Variants in CLEC12B observed in about 807,000 individuals in gnomAD.
CLEC12B encodes the protein macrophage antigen h.
Under a neutral mutation model 36.1 loss-of-function variants are expected in CLEC12B, and 25 were observed. That is an observed-to-expected ratio of 0.69 (90% CI 0.50 to 0.97). The LOEUF (loss-of-function observed/expected upper bound fraction) is 0.97, where lower values mean the gene tolerates loss of function less well. Ranked by LOEUF, CLEC12B falls within the 50% of genes least tolerant of loss-of-function variation. The probability of loss-of-function intolerance (pLI) is 0.00; values close to 1 mark genes in which losing one functional copy is unlikely to be tolerated. For synonymous variants in CLEC12B, 110 were observed against 108.5 expected (o/e 1.01, Z -0.09); for missense variants, 325 against 318.4 (o/e 1.02, Z -0.16).
Position 10,015,960 on chromosome 12 carries a change from C to T in CLEC12B, c.680+233C>T, listed in dbSNP as rs117936789. The T allele has an allele frequency of 8.0e-3, 10,650 of 1,334,904 alleles. 66 individuals carry two copies. The highest frequency in any genetic ancestry group is 9.3e-3 in the Non-Finnish European group (9,718 of 1,041,494). 82.7% of individuals were successfully genotyped at this position (1,334,904 alleles called of 1,614,324 possible). A position where few individuals can be genotyped will look rare whatever the true frequency, so the allele number is the denominator to read the frequency against. On this transcript the variant is annotated intron_variant, in intron 5 of 5. Transcript: ENST00000338896. The stretch of plus-strand genomic sequence containing the variant: ...TAGAAATGTGTTTATTTAACACACA[C>T]ACACACCTAATACTACATTCAAAGT...
chr12:10,015,768 G>C (rs1260664072), intron 5 of CLEC12B, 41 bp downstream of exon 5: 2 of 1,605,042 alleles, frequency 1.2e-6, no homozygotes, highest in African/African-American at 2.7e-5. Flanking sequence ...AGCTTTCCAT[G>C]GAATCCTGGG....
chr12:10,008,265 T>C (rs1436659704), upstream of CLEC12B, among the ~76,000 whole-genome samples: 2 of 152,230 alleles, frequency 1.3e-5, no homozygotes, highest in Non-Finnish European at 2.9e-5. Flanking sequence ...AATTTAAGTT[T>C]AAATAGCAAT....
chr12:10,014,620 G>A lies in CLEC12B; in HGVS notation c.288G>A (p.Leu96=). The change falls in exon 3 of 6, where the codon CTG becomes CTA. Residue 96 remains leucine, a synonymous_variant. Transcript: ENST00000338896. ...QQQQDNLSQQ[L]GNSNNLSMEE... is the part of the protein sequence containing the mutation. ...AGCAGGATAACTTATCCCAGCAACTGGGCAACTCCAACAACTTGTCCATGG... is the reference window on the plus strand; with the variant it reads ...AGCAGGATAACTTATCCCAGCAACTAGGCAACTCCAACAACTTGTCCATGG... 1 of 1,613,732 alleles carries A rather than the reference G, an allele frequency of 6.2e-7. No individual in the cohort carries two copies. The highest frequency in any genetic ancestry group is 8.5e-7 in the Non-Finnish European group (1 of 1,179,704).
chr12:10,013,131 C>T (rs1299792650), intron 2 of CLEC12B: 5 of 471,722 alleles, frequency 1.1e-5, no homozygotes, highest in African/African-American at 2.0e-5. Flanking sequence ...TCTTTGTTTC[C>T]AGTTATTCAT....
intron 2 of CLEC12B, among the ~76,000 whole-genome samples, chr12:10,013,982 A>G (rs1865407090): frequency 6.6e-6 from 1 of 152,216 alleles, no homozygotes; most frequent in African/African-American, 2.4e-5. Context: ...CTTTTGGTGC[A>G]GTGGTTCTTA....
chr12:10,015,875 G>A, intron 5 of CLEC12B, 148 bp downstream of exon 5: 3 of 1,461,622 alleles, frequency 2.1e-6, no homozygotes, highest in South Asian at 1.5e-5. Context: ...TTGAAAGGAG[G>A]TATAGTTCAT....
chr12:10,017,236 C>T (rs1865508698), intron 5 of CLEC12B: 1 of 985,216 alleles, frequency 1.0e-6, no homozygotes, highest in Non-Finnish European at 1.2e-6. Flanking sequence ...ATAATAATGA[C>T]AAAAAGCACA....
In CLEC12B at chr12:10,018,642, T is replaced by G; in HGVS notation, c.*161T>G. The G allele has an allele frequency of 1.6e-6, 1 of 623,262 alleles. No homozygotes were observed. Among genetic ancestry groups the G allele is most frequent in the South Asian group, 2.0e-5 (1 of 48,806 alleles). The allele number at this position is 623,262 out of a possible 1,614,324, so 38.6% of individuals were successfully genotyped here. On this transcript the variant is annotated 3_prime_UTR_variant, in exon 6 of 6. Transcript: ENST00000338896. ...TTTAACAGAACATTCTCCAGTTCCT[T>G]GTCTGACGTCTTCTGATTTGATGTT...
intron 3 of CLEC12B, 110 bp from the exon 4 acceptor site, chr12:10,015,142 G>A: frequency 1.1e-6 from 1 of 912,546 alleles, no homozygotes. Flanking sequence ...TATGCTTTCA[G>A]GGTGCAGGCT....
chr12:10,014,572 A>G lies in CLEC12B; in HGVS notation c.240A>G (p.Gln80=), dbSNP rs769990930. ...ACTCAGATTCAGAGAAATTGAGTCA[A>G]CTTCAGAAAACCATCCAACAGCAGC... is the stretch of plus-strand genomic sequence containing the variant. ...DINSDSEKLS[Q]LQKTIQQQQD... is the part of the protein sequence containing the mutation. Residue 80 remains glutamine (Q), a synonymous_variant, in exon 3 of 6, where the codon CAA becomes CAG. Transcript: ENST00000338896. 1.9e-6 allele frequency: 3 copies of G among 1,613,822 alleles called. No individual in the cohort carries two copies. The highest frequency in any genetic ancestry group is 2.5e-6 in the Non-Finnish European group (3 of 1,179,766).
At chr12:10,012,699 C>A in intron 1 of CLEC12B, 86 bp from the exon 2 acceptor site, 1 of 973,416 alleles carries the variant, frequency 1.0e-6, no homozygotes, top group Non-Finnish European at 1.6e-6. Context: ...TATCGGGAAG[C>A]TCCCTAAGTG....
chr12:10,015,161 C>G lies in CLEC12B; in HGVS notation c.410-91C>G, dbSNP rs528971660. On this transcript the variant is annotated intron_variant, in intron 3 of 5. Coordinates refer to ENST00000338896, the MANE Select transcript of CLEC12B (RefSeq NM_001129998.3). ...CTTTCAGGGTGCAGGCTCTCAGTCC[C>G]TATTGTTCAATTACATGATTTTGTT... is the stretch of plus-strand genomic sequence containing the variant. 3.7e-6 allele frequency: 4 copies of G among 1,088,264 alleles called. No individual in the cohort carries two copies. In the Admixed American group the frequency reaches 8.8e-5, roughly 24 times the overall value. 67.4% of individuals were successfully genotyped at this position (1,088,264 alleles called of 1,614,324 possible). A position where few individuals can be genotyped will look rare whatever the true frequency, so the allele number is the denominator to read the frequency against.
At chr12:10,010,882 T>A in intron 1 of CLEC12B, 32 bp downstream of exon 1, 1 of 1,424,814 alleles carries the variant, frequency 7.0e-7, no homozygotes, top group Non-Finnish European at 9.9e-7. Context: ...GCTGTGTCCT[T>A]GGGGGAGTGG....
intron 5 of CLEC12B, chr12:10,016,925 C>T: frequency 1.1e-6 from 1 of 888,268 alleles, no homozygotes; most frequent in Non-Finnish European, 1.3e-6. Flanking sequence ...CTACCTTCCT[C>T]CCCCAACAAA....
chr12:10,009,121 A>C (rs1416605471), upstream of CLEC12B, among the ~76,000 whole-genome samples: 2 of 151,982 alleles, frequency 1.3e-5, no homozygotes, highest in Non-Finnish European at 2.9e-5. Flanking sequence ...GACAGTAAGG[A>C]AATAAAAGCT....
At chr12:10,009,146 G>A (rs190349373), upstream of CLEC12B, among the ~76,000 whole-genome samples, 1 of 152,140 alleles carries the variant, frequency 6.6e-6, no homozygotes, top group East Asian at 1.9e-4. Context: ...ACCCCAGCCA[G>A]CAGCAGCAAC....
intron 2 of CLEC12B, chr12:10,013,227 A>G (rs1199303094): frequency 7.1e-6 from 2 of 282,492 alleles, no homozygotes; most frequent in Non-Finnish European, 1.3e-5. Context: ...TATGTATTGA[A>G]GGAAGTGCTT....
chr12:10,007,744 A>G (rs1003583268), upstream of CLEC12B, among the ~76,000 whole-genome samples: 2 of 152,252 alleles, frequency 1.3e-5, no homozygotes, highest in African/African-American at 4.8e-5. Flanking sequence ...ACTTGAATGT[A>G]TGCACAGAGT....
At chr12:10,011,937 T>C (rs1452338936) in intron 1 of CLEC12B, among the ~76,000 whole-genome samples, 1 of 152,226 alleles carries the variant, frequency 6.6e-6, no homozygotes, top group African/African-American at 2.4e-5. Flanking sequence ...CTAGAGTCTG[T>C]CATGCTGTAT....
Sources: allele counts gnomAD v4.1 joint callset (sites outside exome capture counted in the v4.1 genomes callset), GRCh38; gene constraint gnomAD v4.1.1; transcripts MANE v1.5; gene names NCBI Gene and HGNC (gene_info 2026-07-23, HGNC 2026-07-21).